EXT1: variants seen among roughly 807,000 people sequenced by gnomAD.
EXT1 encodes the protein exostosin-1.
In EXT1, 20 loss-of-function variants were observed where a neutral mutation model predicts 82.5. The ratio of observed to expected loss-of-function variants is 0.24; its 90% CI spans 0.17 to 0.35. The LOEUF (loss-of-function observed/expected upper bound fraction) is 0.35, where lower values mean the gene tolerates loss of function less well. Ranked by LOEUF, EXT1 falls within the 10% of genes least tolerant of loss-of-function variation. The pLI is 1.00. For synonymous variants in EXT1, 348 were observed against 350.8 expected (o/e 0.99, Z 0.09); for missense variants, 757 against 936.5 (o/e 0.81, Z 2.50).
At chr8:118,063,859 C>CTTATTTATTTAT (rs58524588) in intron 1 of EXT1, among the ~76,000 whole-genome samples, 7 of 151,662 alleles carry the variant, frequency 4.6e-5, no homozygotes, top group African/African-American at 1.7e-4. Flanking sequence ...TATTTATTTA[C>CTTATTTATTTAT]TTATTTATTT....
At chr8:117,862,262 C>T (rs566545415) in intron 1 of EXT1, among the ~76,000 whole-genome samples, 36 of 145,926 alleles carry the variant, frequency 2.5e-4, no homozygotes, top group African/African-American at 8.0e-4. Flanking sequence ...ACATGGCAAG[C>T]GTCCTCACTG....
chr8:118,096,404 C>T (rs1447622364), intron 1 of EXT1, among the ~76,000 whole-genome samples: 4 of 152,054 alleles, frequency 2.6e-5, no homozygotes, highest in African/African-American at 7.2e-5. Context: ...AGGCGGATCA[C>T]GAGGTCGGGA....
At chr8:117,940,625 T>G (rs1039197405) in intron 1 of EXT1, among the ~76,000 whole-genome samples, 3 of 152,082 alleles carry the variant, frequency 2.0e-5, no homozygotes, top group African/African-American at 7.2e-5. Flanking sequence ...ATTAAGCCAA[T>G]CCACAGTGAT....
At chr8:118,050,717 ATTC>A (rs1363437101) in intron 1 of EXT1, among the ~76,000 whole-genome samples, 6 of 152,324 alleles carry the variant, frequency 3.9e-5, no homozygotes, top group African/African-American at 1.4e-4. Flanking sequence ...ATAAAGTACT[ATTC>A]TTCTTTTGAT....
intron 2 of EXT1, among the ~76,000 whole-genome samples, chr8:117,835,816 C>T (rs1812180275): frequency 6.6e-6 from 1 of 152,160 alleles, no homozygotes; most frequent in Admixed American, 6.5e-5. Context: ...TTTGGCTGAC[C>T]TTACTTCCAT....
chr8:117,873,247 A>G (rs1423018942), intron 1 of EXT1, among the ~76,000 whole-genome samples: 1 of 152,158 alleles, frequency 6.6e-6, no homozygotes, highest in African/African-American at 2.4e-5. Context: ...ATAAATTTCT[A>G]TTGTTCATTA....
chr8:117,933,756 C>T (rs62522273), intron 1 of EXT1, among the ~76,000 whole-genome samples: 2,574 of 152,278 alleles, frequency 0.017, 35 homozygotes, highest in Non-Finnish European at 0.027. Context: ...AGGCACGGGG[C>T]ACAGAAAGAT....
rs775353874 is a variant in EXT1 at position 117,804,795 on chromosome 8, A to T, written c.1982T>A (p.Val661Glu). The T allele has an allele frequency of 6.2e-7, 1 of 1,614,036 alleles. No individual in the cohort carries two copies. The highest frequency in any genetic ancestry group is 8.5e-7 in the Non-Finnish European group (1 of 1,180,008). ...NCEDILMNFL[V>E]SAVTKLPPIK... Reference sequence around the variant, plus strand: ...TGGAGGCAATTTTGTCACAGCAGACACCAGGAAGTTCATGAGAATGTCCTC... The same window carrying T: ...TGGAGGCAATTTTGTCACAGCAGACTCCAGGAAGTTCATGAGAATGTCCTC... Residue 661 changes from valine to glutamate, a missense_variant, in exon 10 of 11, where the codon GTG becomes GAG. Val to Glu is a moderately radical substitution (Grantham distance 121). This residue lies in a region of EXT1 where 128 missense variants were observed against 223.2 expected (regional missense o/e 0.57). Coordinates refer to ENST00000378204, the MANE Select transcript of EXT1 (RefSeq NM_000127.3).
rs749916031 is a variant in EXT1, at chr8:117,807,279, T to C, written c.1821A>G (p.Gly607=). The change falls in exon 9 of 11, where the codon GGA becomes GGG. Residue 607 remains glycine, a synonymous_variant. Transcript: ENST00000378204. ...AGTCGTTCGTCCACTTTGATGTGTA[T>C]CCCCACCGCTCCTTAGAGTTATCCC... ...HFWDNSKERW[G]YTSKWTNDYS... is the part of the protein sequence containing the mutation. 3 of 1,614,168 alleles carry C rather than the reference T, an allele frequency of 1.9e-6. No individual in the cohort carries two copies.
intron 10 of EXT1, among the ~76,000 whole-genome samples, chr8:117,800,106 C>T (rs890039776): frequency 2.6e-5 from 4 of 152,194 alleles, no homozygotes; most frequent in African/African-American, 9.7e-5. Context: ...GTGTTAAAAA[C>T]ACAAAAACAA....
chr8:117,869,045 T>C (rs1812823853), intron 1 of EXT1, among the ~76,000 whole-genome samples: 1 of 151,984 alleles, frequency 6.6e-6, no homozygotes, highest in Admixed American at 6.5e-5. Flanking sequence ...CAACTCTATG[T>C]TCCCTGCTGT....
chr8:118,009,783 G>GA, intron 1 of EXT1, among the ~76,000 whole-genome samples: 1 of 152,268 alleles, frequency 6.6e-6, no homozygotes. Flanking sequence ...ATCTCAGGTG[G>GA]AACAGTTTCA....
In EXT1 at chr8:118,011,722, C is replaced by T. The variant is rs559976804; in HGVS notation, c.962+98363G>A. 3.3e-5 allele frequency among the ~76,000 whole-genome samples: 5 copies of T among 152,294 alleles called. No homozygotes were observed. The East Asian group carries it at 5.8e-4, about 18-fold the overall frequency. On this transcript the variant is annotated intron_variant, in intron 1 of 10. Transcript: ENST00000378204. Reference sequence around the variant, plus strand: ...TCCCCACCCTGATCGCTCTCTGGCTCCTAAGGCTTTCATTTGGTTTTCCCA... The same window carrying T: ...TCCCCACCCTGATCGCTCTCTGGCTTCTAAGGCTTTCATTTGGTTTTCCCA...
intron 1 of EXT1, among the ~76,000 whole-genome samples, chr8:117,852,024 G>A (rs940735808): frequency 1.6e-4 from 24 of 152,196 alleles, no homozygotes; most frequent in African/African-American, 5.3e-4. Flanking sequence ...CCAACTCTCT[G>A]CAAAGCACTT....
chr8:117,943,741 C>T (rs1814332371), intron 1 of EXT1, among the ~76,000 whole-genome samples: 1 of 152,194 alleles, frequency 6.6e-6, no homozygotes, highest in Admixed American at 6.5e-5. Flanking sequence ...TATTTTGTTT[C>T]TAGCTTGCCA....
At chr8:117,938,055 C>T (rs1814201308) in intron 1 of EXT1, among the ~76,000 whole-genome samples, 1 of 152,196 alleles carries the variant, frequency 6.6e-6, no homozygotes, top group Non-Finnish European at 1.5e-5. Context: ...CACACTATTC[C>T]AAACCCAATG....
At chr8:117,817,436 A>G (rs756405989) in intron 7 of EXT1, among the ~76,000 whole-genome samples, 6 of 152,140 alleles carry the variant, frequency 3.9e-5, no homozygotes, top group Non-Finnish European at 7.4e-5. Flanking sequence ...AAAGTTTTTT[A>G]GATGGCACTG....
chr8:118,088,957 C>T (rs946395164), intron 1 of EXT1, among the ~76,000 whole-genome samples: 3 of 152,276 alleles, frequency 2.0e-5, no homozygotes, highest in East Asian at 3.9e-4. Flanking sequence ...CCCCACCTTC[C>T]GCTACTGGCA....
intron 1 of EXT1, among the ~76,000 whole-genome samples, chr8:117,919,664 T>C (rs1446348993): frequency 6.6e-6 from 1 of 151,876 alleles, no homozygotes; most frequent in Non-Finnish European, 1.5e-5. Flanking sequence ...GCTACTATAT[T>C]TGGCTAATTT....
Sources: allele counts gnomAD v4.1 joint callset (sites outside exome capture counted in the v4.1 genomes callset), GRCh38; gene constraint gnomAD v4.1.1; regional missense constraint gnomAD v4.1.1; transcripts MANE v1.5; gene names NCBI Gene and HGNC (gene_info 2026-07-23, HGNC 2026-07-21).